Variants in POLG observed in about 807,000 individuals in gnomAD.
POLG encodes the protein DNA polymerase gamma, catalytic subunit, also known as DNA polymerase subunit gamma-1.
A neutral mutation model predicts 155.4 loss-of-function variants in POLG; 110 were observed. The observed-to-expected ratio is 0.71, with a 90% CI of 0.61 to 0.83. POLG has a LOEUF of 0.83. Among genes scored for constraint, POLG ranks in the 40% least tolerant of loss-of-function variants. The pLI is 0.00. For missense variants in POLG, 1,685 were observed against 1,627.5 expected (o/e 1.04, Z -0.61); for synonymous variants, 701 against 631.5 (o/e 1.11, Z -1.65).
In POLG at chr15:89,325,235, AGAGT is replaced by A. The variant is rs1333143940; in HGVS notation, c.1949+211_1949+214del. On this transcript the variant is annotated intron_variant, in intron 10 of 22. Coordinates refer to ENST00000268124, the MANE Select transcript of POLG (RefSeq NM_002693.3). ...GTGAGTGAGTGAGAGAGTGAGTGAG[AGAGT>A]GAGTGAGTGAGAGAGAGAGTGAGTG... 4.8e-3 allele frequency among the ~76,000 whole-genome samples: 366 copies of A among 76,484 alleles called. 87 individuals carry two copies. Among genetic ancestry groups the A allele is most frequent in the African/African-American group, 8.9e-3 (69 of 7,776 alleles). 50.2% of individuals were successfully genotyped at this position (76,484 alleles called of 152,430 possible). A position where few individuals can be genotyped will look rare whatever the true frequency, so the allele number is the denominator to read the frequency against.
intron 21 of POLG, chr15:89,317,758 A>AAT: frequency 1.9e-6 from 1 of 522,834 alleles, no homozygotes; most frequent in Non-Finnish European, 3.3e-6. Context: ...GACTCAACAT[A>AAT]CTTTTTTTTT....
intron 18 of POLG, among the ~76,000 whole-genome samples, chr15:89,320,033 G>A (rs376074872): frequency 3.9e-5 from 6 of 152,188 alleles, no homozygotes; most frequent in Admixed American, 1.3e-4. Flanking sequence ...CGCTGCTCAC[G>A]GTATGAGCCT....
chr15:89,325,041 T>TGA lies in POLG; in HGVS notation c.1949+407_1949+408dup, dbSNP rs748226652. 2.4e-3 allele frequency among the ~76,000 whole-genome samples: 125 copies of TGA among 52,022 alleles called. 5 individuals are homozygous for TGA. The highest frequency in any genetic ancestry group is 9.2e-3 in the African/African-American group (116 of 12,674). The allele number at this position is 52,022 out of a possible 152,430, so 34.1% of individuals were successfully genotyped here. A position where few individuals can be genotyped will look rare whatever the true frequency, so the allele number is the denominator to read the frequency against. On this transcript the variant is annotated intron_variant, in intron 10 of 22. Coordinates refer to ENST00000268124, the MANE Select transcript of POLG (RefSeq NM_002693.3). ...GAAGAAAAAACCTGAACCCAGAGAG[T>TGA]GAGTGAGTGAGTGAGAGAGTGAGTG...
At chr15:89,323,672 C>T (rs1212475430) in intron 12 of POLG, 143 bp downstream of exon 12, 7 of 831,784 alleles carry the variant, frequency 8.4e-6, no homozygotes, top group Non-Finnish European at 1.2e-5. Context: ...TGCTCCAACA[C>T]GTGTGGGGCC....
In POLG at chr15:89,324,521, C is replaced by G. The variant is rs2055444191; in HGVS notation, c.1950-294G>C. Reference sequence around the variant, plus strand: ...TTCTGAGAGCACAGCAGCGGGAGGACAGGACCCAAGGCCCAGCTGCAGGCT... The same window carrying G: ...TTCTGAGAGCACAGCAGCGGGAGGAGAGGACCCAAGGCCCAGCTGCAGGCT... On this transcript the variant is annotated intron_variant, in intron 10 of 22. Coordinates refer to ENST00000268124, the MANE Select transcript of POLG (RefSeq NM_002693.3). 3.3e-5 allele frequency among the ~76,000 whole-genome samples: 5 copies of G among 152,354 alleles called. No homozygotes were observed. The South Asian group carries it at 1.0e-3, about 32-fold the overall frequency.
chr15:89,325,085 A>AGTGAGTGAGAGAGT (rs1162839671), intron 10 of POLG, among the ~76,000 whole-genome samples: 1 of 77,676 alleles, frequency 1.3e-5, no homozygotes, highest in African/African-American at 8.7e-5. Flanking sequence ...AGTGAGTGAG[A>AGTGAGTGAGAGAGT]GAGTGAGTGA....
chr15:89,326,477 A>G, intron 9 of POLG, 135 bp downstream of exon 9: 1 of 962,906 alleles, frequency 1.0e-6, no homozygotes, highest in Non-Finnish European at 1.6e-6. Context: ...ACTGGAAGAC[A>G]GTGTGACTGA....
Position 89,319,750 on chromosome 15 carries a change from T to C in POLG, c.2982-400A>G, listed in dbSNP as rs12324604. ...AGATTTGGGGGGATAGGGGTAAGAA[T>C]AGGCTACTCCCTGAAGGGGAGGGGG... On this transcript the variant is annotated intron_variant, in intron 18 of 22. Coordinates refer to ENST00000268124, the MANE Select transcript of POLG (RefSeq NM_002693.3). 6.6e-4 allele frequency among the ~76,000 whole-genome samples: 101 copies of C among 152,208 alleles called. 3 individuals carry two copies. The East Asian group carries it at 0.018, about 28-fold the overall frequency.
In POLG at chr15:89,333,870, G is replaced by A. The variant is rs539315421; in HGVS notation, c.-116C>T. The stretch of plus-strand genomic sequence containing the variant: ...AGACACGTCCTGTCTCTGCTCTCCT[G>A]TCAGTGAAATGGGTTTGACCATGCC... On this transcript the variant is annotated 5_prime_UTR_variant, in exon 2 of 23. Transcript: ENST00000268124. The A allele has an allele frequency of 7.8e-7, 1 of 1,276,304 alleles. No individual in the cohort carries two copies. The highest frequency in any genetic ancestry group is 1.1e-6 in the Non-Finnish European group (1 of 915,286). The allele number at this position is 1,276,304 out of a possible 1,614,324, so 79.1% of individuals were successfully genotyped here. A position where few individuals can be genotyped will look rare whatever the true frequency, so the allele number is the denominator to read the frequency against.
chr15:89,319,958 C>A (rs1170541775), intron 18 of POLG, among the ~76,000 whole-genome samples: 1 of 152,198 alleles, frequency 6.6e-6, no homozygotes, highest in African/African-American at 2.4e-5. Flanking sequence ...AGTCCAAACT[C>A]CTGTGACACT....
At chr15:89,325,105 T>G (rs78408998) in intron 10 of POLG, among the ~76,000 whole-genome samples, 2 of 26,392 alleles carry the variant, frequency 7.6e-5, no homozygotes, top group Non-Finnish European at 1.4e-4. Context: ...AGTGAGAGAG[T>G]GAGAGAGAGT....
Position 89,316,353 on chromosome 15 carries a change from GA to G in POLG, c.*397del. 6.4e-7 allele frequency: 1 copy of G among 1,572,094 alleles called. No homozygotes were observed. The highest frequency in any genetic ancestry group is 8.7e-7 in the Non-Finnish European group (1 of 1,148,962). On this transcript the variant is annotated 3_prime_UTR_variant, in exon 23 of 23. Coordinates refer to ENST00000268124, the MANE Select transcript of POLG (RefSeq NM_002693.3). ...CCTTCTTTTTATTTCCACTGCCTTG[GA>G]GCAGGTTTATCACGTTAGAGCATTA... is the stretch of plus-strand genomic sequence containing the variant.
At chr15:89,321,589 T>C (rs942096004) in intron 16 of POLG, 147 bp downstream of exon 16, 18 of 781,616 alleles carry the variant, frequency 2.3e-5, no homozygotes, top group Admixed American at 1.4e-4. Flanking sequence ...ACAGAAATCA[T>C]GAAGCCAGAT....
At chr15:89,331,957 GGAGA>G (rs2055599673) in intron 2 of POLG, among the ~76,000 whole-genome samples, 1 of 152,108 alleles carries the variant, frequency 6.6e-6, no homozygotes, top group Non-Finnish European at 1.5e-5. Context: ...AGAGAAAGAA[GGAGA>G]AAGAGAAAAG....
intron 2 of POLG, among the ~76,000 whole-genome samples, chr15:89,331,004 G>C (rs2055587202): frequency 6.6e-6 from 1 of 152,198 alleles, no homozygotes; most frequent in African/African-American, 2.4e-5. Context: ...GCTAGGTGTA[G>C]GGGAATGGCC....
rs770543008 is a variant in POLG, at chr15:89,333,494, G to T, written c.261C>A (p.Ile87=). The T allele has an allele frequency of 1.9e-6, 3 of 1,612,622 alleles. No homozygotes were observed. Among genetic ancestry groups the T allele is most frequent in the Admixed American group, 1.7e-5 (1 of 60,000 alleles). ...CAGGCATCTCCCCTCCTTGCCCGAA[G>T]ATTTGCTCGTGCAGCCCTCTCGAGA... The part of the protein sequence containing the change: ...QMLSRGLHEQ[I]FGQGGEMPGE... The change falls in exon 2 of 23, where the codon ATC becomes ATA. Residue 87 remains isoleucine (I), a synonymous_variant. Coordinates refer to ENST00000268124, the MANE Select transcript of POLG (RefSeq NM_002693.3).
intron 12 of POLG, 66 bp downstream of exon 12, chr15:89,323,749 G>A: frequency 7.7e-7 from 1 of 1,291,004 alleles, no homozygotes; most frequent in Non-Finnish European, 1.1e-6. Context: ...GAAGAACTAG[G>A]TGGGCAAGAG....
chr15:89,325,507 AG>A lies in POLG; in HGVS notation c.1891del (p.Leu631TrpfsTer38). ...GYLVPGRRDN[L>X]AKLPTGTTLE... ...GGTGGTACCTGTCGGCAGCTTGGCC[AG>A]GTTGTCCCGCCGCCCAGGCACCAAG... On this transcript the variant is annotated frameshift_variant, in exon 10 of 23. Coordinates refer to ENST00000268124, the MANE Select transcript of POLG (RefSeq NM_002693.3). LOFTEE classifies it high-confidence loss of function. 1 of 1,610,800 alleles carries A rather than the reference AG, an allele frequency of 6.2e-7. No homozygotes were observed. The highest frequency in any genetic ancestry group is 8.5e-7 in the Non-Finnish European group (1 of 1,179,974).
chr15:89,321,712 G>A (rs2055398595), intron 16 of POLG, 24 bp downstream of exon 16: 4 of 1,527,866 alleles, frequency 2.6e-6, no homozygotes, highest in East Asian at 2.2e-5. Flanking sequence ...AAGAGCAGGG[G>A]CCAGAGGTAC....
Sources: allele counts gnomAD v4.1 joint callset (sites outside exome capture counted in the v4.1 genomes callset), GRCh38; gene constraint gnomAD v4.1.1; transcripts MANE v1.5; gene names NCBI Gene and HGNC (gene_info 2026-07-23, HGNC 2026-07-21).